The following DENR variants were observed in gnomAD, a reference collection of about 807,000 sequenced individuals.
The protein encoded by DENR is density regulated re-initiation and release factor, also known as density-regulated protein.
A neutral mutation model predicts 30.6 loss-of-function variants in DENR; 6 were observed. That is an observed-to-expected ratio of 0.20 (90% CI 0.11 to 0.39). The LOEUF (loss-of-function observed/expected upper bound fraction) is 0.39, where lower values mean the gene tolerates loss of function less well. Ranked by LOEUF, DENR falls within the 10% of genes least tolerant of loss-of-function variation. DENR has a pLI of 1.00. For synonymous variants in DENR, 78 were observed against 72.1 expected (o/e 1.08, Z -0.41); for missense variants, 141 against 230.9 (o/e 0.61, Z 2.52).
Position 122,759,183 on chromosome 12 carries a change from A to C in DENR, c.107-3004A>C, listed in dbSNP as rs1312063791. Among the ~76,000 whole-genome samples, 3 of 152,168 alleles carry C rather than the reference A, an allele frequency of 2.0e-5. 1 individual carries two copies. The East Asian group carries it at 5.8e-4, about 29-fold the overall frequency. On this transcript the variant is annotated intron_variant, in intron 2 of 7. Transcript: ENST00000280557. ...GATTCAAGTTAAACAGATTTTGGCA[A>C]GAAAGTTTCGTGGATGATGTTTCAT...
intron 2 of DENR, among the ~76,000 whole-genome samples, chr12:122,754,565 G>A (rs933002137): frequency 1.3e-5 from 2 of 152,108 alleles, no homozygotes; most frequent in African/African-American, 4.8e-5. Context: ...AGGTGCTGGG[G>A]CCTGAGTAGT....
intron 6 of DENR, 70 bp downstream of exon 6, chr12:122,767,674 G>GTC (rs141788190): frequency 4.8e-5 from 40 of 839,972 alleles, no homozygotes; most frequent in South Asian, 1.8e-4. Context: ...CTATCTCTCT[G>GTC]TCTCTCTCTC....
At chr12:122,755,816 T>C (rs891368160) in intron 2 of DENR, among the ~76,000 whole-genome samples, 1 of 152,168 alleles carries the variant, frequency 6.6e-6, no homozygotes, top group Non-Finnish European at 1.5e-5. Context: ...GTCAACACTC[T>C]CCAGAACAGT....
At position 122,769,847 on chromosome 12, in the gene DENR, C is replaced by G. The variant is rs1878986757; in HGVS notation, c.*769C>G. ...CTTTTTAACTTTATTTTTTGAAAAA[C>G]CCGGTAGACTTTTTGTGGGGAGCAT... On this transcript the variant is annotated 3_prime_UTR_variant, in exon 8 of 8. Coordinates refer to ENST00000280557, the MANE Select transcript of DENR (RefSeq NM_003677.5). 1.6e-5 allele frequency: 1 copy of G among 63,936 alleles called. No individual in the cohort carries two copies. 4.0% of individuals were successfully genotyped at this position (63,936 alleles called of 1,614,324 possible). A position where few individuals can be genotyped will look rare whatever the true frequency, so the allele number is the denominator to read the frequency against.
chr12:122,764,154 A>T (rs77347649), intron 4 of DENR, among the ~76,000 whole-genome samples: 2,865 of 152,250 alleles, frequency 0.019, 67 homozygotes, highest in South Asian at 0.051. Context: ...GAAGAGTTTG[A>T]TATGAAGTCA....
intron 2 of DENR, among the ~76,000 whole-genome samples, chr12:122,755,525 G>GCCGA (rs1374076100): frequency 6.6e-6 from 1 of 152,184 alleles, no homozygotes; most frequent in Non-Finnish European, 1.5e-5. Flanking sequence ...GTTGCAGTGA[G>GCCGA]CCGAGATCAC....
chr12:122,769,180 A>C lies in DENR; in HGVS notation c.*102A>C. The C allele has an allele frequency of 9.5e-7, 1 of 1,057,162 alleles. No homozygotes were observed. Among genetic ancestry groups the C allele is most frequent in the Non-Finnish European group, 1.2e-6 (1 of 806,486 alleles). The allele number at this position is 1,057,162 out of a possible 1,614,324, so 65.5% of individuals were successfully genotyped here. A position where few individuals can be genotyped will look rare whatever the true frequency, so the allele number is the denominator to read the frequency against. On this transcript the variant is annotated 3_prime_UTR_variant, in exon 8 of 8. Coordinates refer to ENST00000280557, the MANE Select transcript of DENR (RefSeq NM_003677.5). The stretch of plus-strand genomic sequence containing the variant: ...TATATATATATACACATATATATGT[A>C]TATATACACATATATGTATGTATAC...
intron 2 of DENR, 64 bp from the exon 3 acceptor site, chr12:122,762,123 G>GC (rs1437013550): frequency 1.2e-4 from 126 of 1,070,804 alleles, no homozygotes; most frequent in Non-Finnish European, 1.5e-4. Flanking sequence ...GTAAGGATAA[G>GC]CCCTGTGTAT....
At chr12:122,760,115 G>T (rs1206098303) in intron 2 of DENR, among the ~76,000 whole-genome samples, 1 of 152,160 alleles carries the variant, frequency 6.6e-6, no homozygotes, top group Non-Finnish European at 1.5e-5. Flanking sequence ...GTGCCACTAA[G>T]TTGCTTGTTT....
chr12:122,762,588 G>A lies in DENR; in HGVS notation c.127-257G>A, dbSNP rs1878731807. 2.0e-5 allele frequency among the ~76,000 whole-genome samples: 3 copies of A among 152,322 alleles called. No individual in the cohort carries two copies. In the South Asian group the frequency reaches 6.2e-4, roughly 32 times the overall value. The stretch of plus-strand genomic sequence containing the variant: ...TCTATGAGCAAGTCATGAAAATGAG[G>A]CACTTATGTGCTCAAAGCAAGAAAT... On this transcript the variant is annotated intron_variant, in intron 3 of 7. Coordinates refer to ENST00000280557, the MANE Select transcript of DENR (RefSeq NM_003677.5).
At chr12:122,757,085 A>C (rs1438783313) in intron 2 of DENR, among the ~76,000 whole-genome samples, 3 of 152,156 alleles carry the variant, frequency 2.0e-5, no homozygotes, top group Non-Finnish European at 4.4e-5. Context: ...GAAGAGGGAA[A>C]ACCCTCCAAT....
chr12:122,764,759 C>T (rs1039799739), intron 4 of DENR, among the ~76,000 whole-genome samples: 10 of 152,220 alleles, frequency 6.6e-5, no homozygotes, highest in African/African-American at 2.4e-4. Flanking sequence ...TGCTCAGAGA[C>T]ACCCAGTGCT....
chr12:122,753,906 A>G, intron 2 of DENR, 99 bp downstream of exon 2: 1 of 1,022,552 alleles, frequency 9.8e-7, no homozygotes, highest in Non-Finnish European at 1.5e-6. Flanking sequence ...CATCCTTTTC[A>G]TTTGGTGAGT....
intron 5 of DENR, 55 bp from the exon 6 acceptor site, chr12:122,767,433 A>G (rs1878878405): frequency 1.8e-6 from 2 of 1,084,466 alleles, no homozygotes; most frequent in East Asian, 2.7e-5. Context: ...ATTTAAAGAC[A>G]GTATTCTCTT....
intron 2 of DENR, among the ~76,000 whole-genome samples, chr12:122,754,534 C>T (rs945885378): frequency 2.0e-5 from 3 of 152,136 alleles, no homozygotes; most frequent in Non-Finnish European, 4.4e-5. Flanking sequence ...TCAGAACTTA[C>T]TGTGTGCCTA....
In DENR at chr12:122,753,681, C is replaced by T; in HGVS notation, c.-9-12C>T. ...TAAAATAGTGAGGGTGTGTTATTTT[C>T]CTTGCTTACAGGTTTGTGAAATGGC... is the stretch of plus-strand genomic sequence containing the variant. On this transcript the variant is annotated splice_polypyrimidine_tract_variant and intron_variant, in intron 1 of 7. Coordinates refer to ENST00000280557, the MANE Select transcript of DENR (RefSeq NM_003677.5). The T allele has an allele frequency of 1.2e-6, 2 of 1,603,856 alleles. No individual in the cohort carries two copies. Among genetic ancestry groups the T allele is most frequent in the East Asian group, 2.2e-5 (1 of 44,834 alleles).
chr12:122,763,562 G>C (rs562398495), intron 4 of DENR, among the ~76,000 whole-genome samples: 1 of 152,122 alleles, frequency 6.6e-6, no homozygotes, highest in Admixed American at 6.6e-5. Context: ...AAAGCTGGGC[G>C]TGGTGGCGCA....
At chr12:122,757,178 T>C in intron 2 of DENR, among the ~76,000 whole-genome samples, 1 of 152,170 alleles carries the variant, frequency 6.6e-6, no homozygotes. Flanking sequence ...CCTCCCTCCC[T>C]TTCCCCTTTT....
chr12:122,758,662 C>T (rs1174488586), intron 2 of DENR, among the ~76,000 whole-genome samples: 2 of 151,958 alleles, frequency 1.3e-5, no homozygotes, highest in African/African-American at 2.4e-5. Context: ...ATAAATTAGC[C>T]AGGTGTGGTG....
Sources: allele counts gnomAD v4.1 joint callset (sites outside exome capture counted in the v4.1 genomes callset), GRCh38; gene constraint gnomAD v4.1.1; transcripts MANE v1.5; gene names NCBI Gene and HGNC (gene_info 2026-07-23, HGNC 2026-07-21).